Variants in ATP2A2 observed in about 807,000 individuals in gnomAD.
The protein encoded by ATP2A2 is ATPase sarcoplasmic/endoplasmic reticulum Ca2+ transporting 2, also known as sarcoplasmic/endoplasmic reticulum calcium ATPase 2.
In ATP2A2, 14 loss-of-function variants were observed where a neutral mutation model predicts 109.3. The observed-to-expected ratio is 0.13, with a 90% CI of 0.08 to 0.20. ATP2A2 has a LOEUF of 0.20. Ranked by LOEUF, ATP2A2 falls within the 10% of genes least tolerant of loss-of-function variation. The pLI is 1.00. For missense variants in ATP2A2, 657 were observed against 1,321.6 expected, an observed-to-expected ratio of 0.50 and a Z score of 7.80; for synonymous variants, 506 against 490.9, an observed-to-expected ratio of 1.03 and a Z score of -0.41.
At chr12:110,283,737 G>C (rs1872387717) in intron 3 of ATP2A2, among the ~76,000 whole-genome samples, 1 of 152,110 alleles carries the variant, frequency 6.6e-6, no homozygotes, top group Non-Finnish European at 1.5e-5. Context: ...AATTCACCCA[G>C]TGCAGTACTT....
rs1331722413 is a variant in ATP2A2 at position 110,339,084 on chromosome 12, A to G, written c.1420-197A>G. ...TTCTATCCCCCTTCCCTTTTTCTCT[A>G]TAGCACTTGTGTTACTTTTGCATCT... On this transcript the variant is annotated intron_variant, in intron 11 of 19. Transcript: ENST00000539276. This position sits in a 1 kb window ranked among gnomAD's most constrained non-coding sequence, Gnocchi z 4.4. Among the ~76,000 whole-genome samples the G allele has an allele frequency of 6.6e-6, 1 of 152,226 alleles. No homozygotes were observed. Among genetic ancestry groups the G allele is most frequent in the African/African-American group, 2.4e-5 (1 of 41,532 alleles).
rs571074428 is a variant in ATP2A2 at position 110,301,500 on chromosome 12, C to T, written c.463+4763C>T. 2.0e-5 allele frequency among the ~76,000 whole-genome samples: 3 copies of T among 152,244 alleles called. No homozygotes were observed. The South Asian group carries it at 6.2e-4, about 32-fold the overall frequency. On this transcript the variant is annotated intron_variant, in intron 5 of 19. Coordinates refer to ENST00000539276, the MANE Select transcript of ATP2A2 (RefSeq NM_170665.4). ...CTTATCCTCTGATTTGTCCGTAAGG[C>T]CACTGATTCTGTCTCCAGAACACAC...
Position 110,340,272 on chromosome 12 carries a change from C to T in ATP2A2, c.1762-387C>T, listed in dbSNP as rs888637011. ...GCAAAAACCGCCAGGCACGGTGGCT[C>T]AAATGCCTGTAATCTCAGCACTTTG... On this transcript the variant is annotated intron_variant, in intron 13 of 19. Transcript: ENST00000539276. This position sits in a 1 kb window ranked among gnomAD's most constrained non-coding sequence, Gnocchi z 6.0. Among the ~76,000 whole-genome samples, 1 of 151,992 alleles carries T rather than the reference C, an allele frequency of 6.6e-6. No individual in the cohort carries two copies. The highest frequency in any genetic ancestry group is 1.5e-5 in the Non-Finnish European group (1 of 67,994).
chr12:110,292,704 T>C (rs557803374), intron 4 of ATP2A2, among the ~76,000 whole-genome samples: 2 of 152,336 alleles, frequency 1.3e-5, no homozygotes, highest in Admixed American at 6.5e-5. Context: ...GGAGGGTTGC[T>C]TGAACCCAGG....
chr12:110,294,737 C>T (rs1239113756), intron 4 of ATP2A2, among the ~76,000 whole-genome samples: 1 of 152,138 alleles, frequency 6.6e-6, no homozygotes, highest in African/African-American at 2.4e-5. Flanking sequence ...GGGTTGTGGC[C>T]TTCTGAAAGT....
In ATP2A2 at chr12:110,322,980, T is replaced by TC. The variant is rs760343707; in HGVS notation, c.464-11dup. 2 of 1,602,652 alleles carry TC rather than the reference T, an allele frequency of 1.2e-6. No individual in the cohort carries two copies. The highest frequency in any genetic ancestry group is 1.1e-5 in the South Asian group (1 of 90,856). ...TTGCTCATTTCAGCCGCCTTTTTTT[T>TC]CTCCTAATTAGTTGGTGACAAAGTT... is the stretch of plus-strand genomic sequence containing the variant. On this transcript the variant is annotated splice_polypyrimidine_tract_variant and intron_variant, in intron 5 of 19. Transcript: ENST00000539276.
chr12:110,281,139 G>A (rs1220118013), upstream of ATP2A2: 1 of 149,730 alleles, frequency 6.7e-6, no homozygotes, highest in Non-Finnish European at 1.5e-5. Flanking sequence ...GAGCCGGGAG[G>A]AGGGGGCGGG....
chr12:110,346,092 C>T lies in ATP2A2; in HGVS notation c.2833C>T (p.Leu945=), dbSNP rs1592868898. The T allele has an allele frequency of 6.2e-7, 1 of 1,614,184 alleles. No individual in the cohort carries two copies. Among genetic ancestry groups the T allele is most frequent in the Non-Finnish European group, 8.5e-7 (1 of 1,180,034 alleles). ...SICLSMSLHF[L]ILYVEPLPLI... is the part of the protein sequence containing the mutation. Reference sequence around the variant, plus strand: ...CTGCCTGTCCATGTCACTCCACTTCCTGATCCTCTATGTCGAACCCTTGCC... The same window carrying T: ...CTGCCTGTCCATGTCACTCCACTTCTTGATCCTCTATGTCGAACCCTTGCC... Residue 945 remains leucine (L), a synonymous_variant, in exon 19 of 20, where the codon CTG becomes TTG. Transcript: ENST00000539276.
chr12:110,326,911 T>A (rs146483815), intron 7 of ATP2A2, among the ~76,000 whole-genome samples: 1 of 152,380 alleles, frequency 6.6e-6, no homozygotes, highest in African/African-American at 2.4e-5. Context: ...AATGTTCATT[T>A]TACTATTTCA....
At chr12:110,326,894 G>A (rs750655473) in intron 7 of ATP2A2, among the ~76,000 whole-genome samples, 8 of 152,216 alleles carry the variant, frequency 5.3e-5, no homozygotes, top group Non-Finnish European at 8.8e-5. Flanking sequence ...TAGGTGCAAA[G>A]TATATGAATG....
At chr12:110,281,979 C>A in intron 1 of ATP2A2, 72 bp downstream of exon 1, 1 of 1,297,606 alleles carries the variant, frequency 7.7e-7, no homozygotes, top group Non-Finnish European at 1.0e-6. Context: ...TGACCGGGCT[C>A]CACCTCGTGG....
intron 17 of ATP2A2, 134 bp downstream of exon 17, chr12:110,345,105 G>T: frequency 6.7e-7 from 1 of 1,495,830 alleles, no homozygotes; most frequent in Non-Finnish European, 9.3e-7. Context: ...GATTCTGAAG[G>T]ACCAGGGCTT....
rs988331369 is a variant in ATP2A2 at position 110,346,452 on chromosome 12, C to T, written c.3111C>T (p.Ser1037=). Reference sequence around the variant, plus strand: ...TCTATAGCACAGACACTAACTTTAGCGATATGTTCTGGTCTTGACTGACAG... The same window carrying T: ...TCTATAGCACAGACACTAACTTTAGTGATATGTTCTGGTCTTGACTGACAG... ...IWVYSTDTNF[S]DMFWS Residue 1037 remains serine, a synonymous_variant, in exon 20 of 20, where the codon AGC becomes AGT. Coordinates refer to ENST00000539276, the MANE Select transcript of ATP2A2 (RefSeq NM_170665.4). 1.9e-6 allele frequency: 3 copies of T among 1,613,988 alleles called. No individual in the cohort carries two copies. The highest frequency in any genetic ancestry group is 2.7e-5 in the African/African-American group (2 of 74,880).
intron 5 of ATP2A2, among the ~76,000 whole-genome samples, chr12:110,297,254 A>G (rs915296115): frequency 6.6e-6 from 1 of 151,972 alleles, no homozygotes; most frequent in Non-Finnish European, 1.5e-5. Context: ...CCTGGCCAAC[A>G]TGAAACCTCA....
In ATP2A2 at chr12:110,312,849, CAAA is replaced by C. The variant is rs34180879; in HGVS notation, c.464-10129_464-10127del. ...TGAGGGACAGAGCGAGACTCTGTTG[CAAA>C]AAAAAAAAAAAAAGAAAACAAAACA... On this transcript the variant is annotated intron_variant, in intron 5 of 19. Coordinates refer to ENST00000539276, the MANE Select transcript of ATP2A2 (RefSeq NM_170665.4). 3.2e-4 allele frequency among the ~76,000 whole-genome samples: 21 copies of C among 66,164 alleles called. No homozygotes were observed. In the South Asian group the frequency reaches 3.7e-3, roughly 12 times the overall value. The allele number at this position is 66,164 out of a possible 152,430, so 43.4% of individuals were successfully genotyped here.
intron 4 of ATP2A2, 197 bp from the exon 5 acceptor site, chr12:110,296,402 A>C: frequency 1.5e-6 from 1 of 661,744 alleles, no homozygotes; most frequent in Non-Finnish European, 2.6e-6. Flanking sequence ...AATTGAGGGT[A>C]CTTAACGTTT....
At chr12:110,294,221 T>A (rs1873712370) in intron 4 of ATP2A2, among the ~76,000 whole-genome samples, 1 of 152,096 alleles carries the variant, frequency 6.6e-6, no homozygotes. Flanking sequence ...TTTTTTGTAC[T>A]TTTAATAGAG....
intron 14 of ATP2A2, among the ~76,000 whole-genome samples, 198 bp downstream of exon 14, chr12:110,341,192 A>G (rs531778607): frequency 2.0e-5 from 3 of 152,028 alleles, no homozygotes; most frequent in Non-Finnish European, 4.4e-5. Flanking sequence ...GTCGTTTAAA[A>G]CCCAGAAGGG....
chr12:110,333,116 AG>A, intron 9 of ATP2A2, 64 bp from the exon 10 acceptor site: 6 of 1,308,788 alleles, frequency 4.6e-6, no homozygotes, highest in Non-Finnish European at 1.1e-6. Context: ...GCGGGGGGGC[AG>A]GGGGCGGGAG....
Sources: allele counts gnomAD v4.1 joint callset (sites outside exome capture counted in the v4.1 genomes callset), GRCh38; gene constraint gnomAD v4.1.1; non-coding constraint Gnocchi (gnomAD v3.1); transcripts MANE v1.5; gene names NCBI Gene and HGNC (gene_info 2026-07-23, HGNC 2026-07-21).